SPINK5: variants seen among roughly 807,000 people sequenced by gnomAD.
SPINK5 encodes the protein serine peptidase inhibitor Kazal type 5.
SPINK5 carries 125 observed loss-of-function variants against 151.8 expected under a neutral mutation model. The observed-to-expected ratio is 0.82, with a 90% CI of 0.71 to 0.96. SPINK5 has a LOEUF of 0.96. Ranked by LOEUF, SPINK5 falls within the 40% of genes least tolerant of loss-of-function variation. SPINK5 has a pLI of 0.00. For synonymous variants in SPINK5, 374 were observed against 395.3 expected, an observed-to-expected ratio of 0.95 and a Z score of 0.64; for missense variants, 1,194 against 1,291.9, an observed-to-expected ratio of 0.92 and a Z score of 1.16.
chr5:148,076,684 TA>T (rs890987769), intron 4 of SPINK5, among the ~76,000 whole-genome samples: 4 of 151,478 alleles, frequency 2.6e-5, no homozygotes, highest in Non-Finnish European at 4.4e-5. Context: ...TTCAGGATAC[TA>T]AAAAAAATCA....
chr5:148,120,099 A>G lies in SPINK5; in HGVS notation c.2404A>G (p.Thr802Ala). Residue 802 changes from threonine (T) to alanine (A), a missense_variant, in exon 25 of 33, where the codon ACA becomes GCA. By Grantham distance (58) the Thr-to-Ala change is moderately conservative. Transcript: ENST00000256084. ...SDPVRGPDGK[T>A]HGNKCTMCKE... Reference sequence around the variant, plus strand: ...CCCTGTCCGGGGTCCAGATGGCAAGACACATGGCAATAAGTGTACTATGTG... The same window carrying G: ...CCCTGTCCGGGGTCCAGATGGCAAGGCACATGGCAATAAGTGTACTATGTG... 6.2e-7 allele frequency: 1 copy of G among 1,614,146 alleles called. No homozygotes were observed. The highest frequency in any genetic ancestry group is 8.5e-7 in the Non-Finnish European group (1 of 1,179,960).
intron 20 of SPINK5, 101 bp from the exon 21 acceptor site, chr5:148,114,261 T>G: frequency 4.5e-6 from 6 of 1,337,470 alleles, no homozygotes; most frequent in Non-Finnish European, 5.9e-6. Flanking sequence ...CTCAGGTCAT[T>G]TTCTCTCTCT....
intron 13 of SPINK5, among the ~76,000 whole-genome samples, chr5:148,101,082 T>C (rs192266370): frequency 1.3e-5 from 2 of 148,926 alleles, no homozygotes; most frequent in African/African-American, 4.9e-5. Flanking sequence ...AAACCACCTC[T>C]GGACTAGGGT....
At chr5:148,127,715 G>A (rs1425995631) in intron 30 of SPINK5, among the ~76,000 whole-genome samples, 3 of 152,008 alleles carry the variant, frequency 2.0e-5, no homozygotes. Context: ...AAAATTAGCT[G>A]GGCATGGTGC....
intron 31 of SPINK5, among the ~76,000 whole-genome samples, chr5:148,133,029 C>T (rs1392623068): frequency 6.6e-6 from 1 of 152,062 alleles, no homozygotes; most frequent in African/African-American, 2.4e-5. Flanking sequence ...ACATTTTCAT[C>T]AACTTTATAG....
At chr5:148,133,757 G>A (rs1195035949) in intron 31 of SPINK5, 40 bp from the exon 32 acceptor site, 1 of 1,599,808 alleles carries the variant, frequency 6.3e-7, no homozygotes, top group Non-Finnish European at 8.6e-7. Context: ...TTATAACTGA[G>A]AACTTCCTCG....
intron 4 of SPINK5, among the ~76,000 whole-genome samples, chr5:148,076,622 T>A (rs1037670346): frequency 6.6e-6 from 1 of 151,680 alleles, no homozygotes; most frequent in Non-Finnish European, 1.5e-5. Flanking sequence ...TTTAACTGTG[T>A]ACAGATGTTA....
Position 148,123,512 on chromosome 5 carries a change from AATATATGTGTATATATATATATATATAT to A in SPINK5, c.2539-314_2539-287del, listed in dbSNP as rs201903088. 0.64 allele frequency among the ~76,000 whole-genome samples: 76,800 copies of A among 120,668 alleles called. 23,157 individuals are homozygous for A. Among genetic ancestry groups the A allele is most frequent in the Admixed American group, 0.7 (8,647 of 12,268 alleles). The allele number at this position is 120,668 out of a possible 152,430, so 79.2% of individuals were successfully genotyped here. A position where few individuals can be genotyped will look rare whatever the true frequency, so the allele number is the denominator to read the frequency against. On this transcript the variant is annotated intron_variant, in intron 26 of 32. Transcript: ENST00000256084. ...TGTCCAGCCTGGAGTGCAGTGGTGC[AATATATGTGTATATATATATATATATAT>A]ATATATATATAATCTTGCTTGCAAT... is the stretch of plus-strand genomic sequence containing the variant.
intron 7 of SPINK5, among the ~76,000 whole-genome samples, chr5:148,090,023 A>T (rs1753268026): frequency 1.3e-5 from 2 of 151,840 alleles, no homozygotes; most frequent in African/African-American, 4.8e-5. Flanking sequence ...GAGGCTAATT[A>T]AAATAATAAT....
At chr5:148,118,060 C>T (rs1318990069) in intron 22 of SPINK5, among the ~76,000 whole-genome samples, 1 of 152,056 alleles carries the variant, frequency 6.6e-6, no homozygotes, top group Non-Finnish European at 1.5e-5. Context: ...ACCCTGTCAC[C>T]CAGGCTGGAG....
chr5:148,065,244 A>G, intron 1 of SPINK5, 103 bp from the exon 2 acceptor site: 1 of 1,286,464 alleles, frequency 7.8e-7, no homozygotes, highest in Non-Finnish European at 1.1e-6. Context: ...TTTACAACAT[A>G]TTGTCATTAA....
intron 16 of SPINK5, among the ~76,000 whole-genome samples, chr5:148,105,883 C>G (rs1009056961): frequency 6.6e-6 from 1 of 151,558 alleles, no homozygotes; most frequent in Non-Finnish European, 1.5e-5. Context: ...CTTGGCCTCC[C>G]AAAGTCCTGG....
intron 21 of SPINK5, among the ~76,000 whole-genome samples, chr5:148,114,736 C>G (rs1378072509): frequency 6.6e-6 from 1 of 152,238 alleles, no homozygotes; most frequent in East Asian, 1.9e-4. Context: ...GTAGATCACA[C>G]TTCCTTGATA....
At chr5:148,122,923 G>A (rs1431807084) in intron 26 of SPINK5, among the ~76,000 whole-genome samples, 1 of 135,228 alleles carries the variant, frequency 7.4e-6, no homozygotes, top group African/African-American at 2.9e-5. Flanking sequence ...GAAAGTTTAC[G>A]TGTTTTTATG....
intron 9 of SPINK5, among the ~76,000 whole-genome samples, chr5:148,095,420 C>G (rs1244071371): frequency 6.6e-6 from 1 of 151,816 alleles, no homozygotes; most frequent in Non-Finnish European, 1.5e-5. Context: ...AGCTTAAGTT[C>G]AGTAGCAGAA....
intron 17 of SPINK5, among the ~76,000 whole-genome samples, chr5:148,107,367 A>G (rs1031293254): frequency 6.6e-6 from 1 of 152,178 alleles, no homozygotes; most frequent in Non-Finnish European, 1.5e-5. Flanking sequence ...TTTTCCAATT[A>G]AGTCAAGGGA....
chr5:148,091,086 A>C (rs1210244539), intron 7 of SPINK5, 79 bp from the exon 8 acceptor site: 1 of 1,206,050 alleles, frequency 8.3e-7, no homozygotes, highest in Admixed American at 1.8e-5. Flanking sequence ...AGAGGATATG[A>C]AAGTGTTTAG....
intron 7 of SPINK5, among the ~76,000 whole-genome samples, chr5:148,089,880 G>A: frequency 6.6e-6 from 1 of 151,860 alleles, no homozygotes. Context: ...ACAGTAATTT[G>A]AAAATGTATA....
chr5:148,075,003 G>A (rs1337026753), intron 4 of SPINK5, among the ~76,000 whole-genome samples: 2 of 151,210 alleles, frequency 1.3e-5, no homozygotes, highest in African/African-American at 2.4e-5. Context: ...TTTTGTTCTT[G>A]GTAGTTGATC....
Sources: gnomAD v4.1 joint callset for allele counts (sites outside exome capture counted in the v4.1 genomes callset) on GRCh38, gnomAD v4.1.1 for gene constraint, MANE v1.5 for transcripts, NCBI Gene and HGNC (gene_info 2026-07-23, HGNC 2026-07-21) for gene names.